Variants in WWOX observed in about 807,000 individuals in gnomAD.
WWOX encodes the protein WW domain-containing oxidoreductase.
A neutral mutation model predicts 46.2 loss-of-function variants in WWOX; 69 were observed. That is an observed-to-expected ratio of 1.49 (90% confidence interval 1.23 to 1.82). The LOEUF is 1.82. WWOX is among the 40% of genes most tolerant of loss of function. The pLI is 0.00. For missense variants in WWOX, 919 were observed against 542.6 expected, an observed-to-expected ratio of 1.69 and a Z score of -6.89; for synonymous variants, 359 against 202.6, an observed-to-expected ratio of 1.77 and a Z score of -6.56.
At position 78,726,652 on chromosome 16, in the gene WWOX, A is replaced by G. The variant is rs370440489; in HGVS notation, c.1056+293900A>G. Among the ~76,000 whole-genome samples the G allele has an allele frequency of 1.2e-4, 18 of 152,280 alleles. No individual in the cohort carries two copies. In the East Asian group the frequency reaches 1.4e-3, roughly 11 times the overall value. On this transcript the variant is annotated intron_variant, in intron 8 of 8. Transcript: ENST00000566780. ...AGCAATTAATGGAGGAAGGGAGTCA[A>G]CTAAACAATTTATTAGGGCTTTATG...
rs578047755 is a variant in WWOX at position 78,116,867 on chromosome 16, G to A, written c.409+1713G>A. Among the ~76,000 whole-genome samples the A allele has an allele frequency of 1.6e-4, 25 of 152,314 alleles. 1 individual carries two copies. In the South Asian group the frequency reaches 5.0e-3, roughly 30 times the overall value. ...GTAATGAGTAAGATATGTGACTACT[G>A]ATTGTTTTTTGTGTTAAGTGTTCGA... On this transcript the variant is annotated intron_variant, in intron 4 of 8. Transcript: ENST00000566780.
chr16:78,128,413 A>G (rs775853607), intron 4 of WWOX, among the ~76,000 whole-genome samples: 1 of 152,210 alleles, frequency 6.6e-6, no homozygotes, highest in Non-Finnish European at 1.5e-5. Context: ...GGGAACCTGC[A>G]GAGGCAGAAA....
At chr16:78,244,370 C>G (rs931304941) in intron 5 of WWOX, among the ~76,000 whole-genome samples, 1 of 109,072 alleles carries the variant, frequency 9.2e-6, no homozygotes, top group Admixed American at 8.6e-5. Flanking sequence ...ATTTAAACCT[C>G]CTTGCAATCT....
intron 8 of WWOX, among the ~76,000 whole-genome samples, chr16:78,498,616 A>G (rs578215682): frequency 2.0e-5 from 3 of 152,320 alleles, no homozygotes; most frequent in South Asian, 4.1e-4. Context: ...GGCAAGAAAA[A>G]TTCAGAAGGG....
chr16:78,708,817 A>G (rs2048378358), intron 8 of WWOX, among the ~76,000 whole-genome samples: 1 of 152,250 alleles, frequency 6.6e-6, no homozygotes, highest in South Asian at 2.1e-4. Flanking sequence ...GGTGTTGGCC[A>G]TAAAAAAATT....
chr16:78,595,768 T>A (rs1052293313), intron 8 of WWOX, among the ~76,000 whole-genome samples: 3 of 152,240 alleles, frequency 2.0e-5, no homozygotes, highest in Non-Finnish European at 4.4e-5. Context: ...ATAGCCATCA[T>A]CTCAAACCTT....
intron 6 of WWOX, among the ~76,000 whole-genome samples, chr16:78,421,712 A>G (rs918513605): frequency 2.0e-5 from 3 of 152,178 alleles, no homozygotes; most frequent in Non-Finnish European, 2.9e-5. Context: ...AGCATTTTAT[A>G]TAGAATGGAA....
chr16:78,541,282 G>T (rs1033330497), intron 8 of WWOX, among the ~76,000 whole-genome samples: 1 of 150,998 alleles, frequency 6.6e-6, no homozygotes, highest in African/African-American at 2.4e-5. Context: ...AGACCATCCC[G>T]GCTAAAACGG....
intron 8 of WWOX, among the ~76,000 whole-genome samples, chr16:79,174,164 G>A (rs1027869459): frequency 4.6e-5 from 7 of 152,312 alleles, no homozygotes; most frequent in South Asian, 4.2e-4. Context: ...ACCGGGACAC[G>A]TATTGTAGAC....
chr16:78,422,053 T>C (rs781662546), intron 6 of WWOX, among the ~76,000 whole-genome samples: 5 of 152,240 alleles, frequency 3.3e-5, no homozygotes, highest in Non-Finnish European at 5.9e-5. Flanking sequence ...ACTACTAGTG[T>C]AGTTGGACGT....
At chr16:78,353,302 A>C (rs1222516517) in intron 5 of WWOX, among the ~76,000 whole-genome samples, 1 of 152,224 alleles carries the variant, frequency 6.6e-6, no homozygotes, top group African/African-American at 2.4e-5. Flanking sequence ...GGGAAAATCA[A>C]GTAAATCGAG....
intron 8 of WWOX, among the ~76,000 whole-genome samples, chr16:79,125,394 A>G (rs1197858806): frequency 6.6e-6 from 1 of 152,210 alleles, no homozygotes; most frequent in East Asian, 1.9e-4. Context: ...AGAATTTGGG[A>G]TGTGCAAAAT....
chr16:79,156,310 A>G (rs1419708627), intron 8 of WWOX, among the ~76,000 whole-genome samples: 1 of 152,154 alleles, frequency 6.6e-6, no homozygotes, highest in Non-Finnish European at 1.5e-5. Context: ...CCAGGTGCGC[A>G]CCAACACACT....
chr16:78,765,900 G>A lies in WWOX; in HGVS notation c.1056+333148G>A, dbSNP rs537102901. The stretch of plus-strand genomic sequence containing the variant: ...AGGCATTGCGGAGGCAGAAATTTAC[G>A]TGGCTTCCATGCCCATTGGTGTGAG... On this transcript the variant is annotated intron_variant, in intron 8 of 8. Coordinates refer to ENST00000566780, the MANE Select transcript of WWOX (RefSeq NM_016373.4). Among the ~76,000 whole-genome samples, 11 of 152,298 alleles carry A rather than the reference G, an allele frequency of 7.2e-5. No homozygotes were observed. In the South Asian group the frequency reaches 1.2e-3, roughly 17 times the overall value.
chr16:79,021,411 G>T (rs906198429), intron 8 of WWOX, among the ~76,000 whole-genome samples: 3 of 151,994 alleles, frequency 2.0e-5, no homozygotes, highest in Admixed American at 1.3e-4. Context: ...GCAGAATAAT[G>T]GTTTTGAATA....
chr16:79,047,852 G>C (rs1271306149), intron 8 of WWOX, among the ~76,000 whole-genome samples: 1 of 151,762 alleles, frequency 6.6e-6, no homozygotes, highest in Non-Finnish European at 1.5e-5. Flanking sequence ...ATGAATGAAG[G>C]AAAGAAAGAA....
In WWOX at chr16:78,901,635, G is replaced by A. The variant is rs565922295; in HGVS notation, c.1057-309973G>A. 3.9e-5 allele frequency among the ~76,000 whole-genome samples: 6 copies of A among 152,306 alleles called. No individual in the cohort carries two copies. In the East Asian group the frequency reaches 1.2e-3, roughly 29 times the overall value. ...CCTGAGTAACTAGGACCACAGGCAT[G>A]GGCCACCACGCTGGGTTAGTTTTTG... On this transcript the variant is annotated intron_variant, in intron 8 of 8. Coordinates refer to ENST00000566780, the MANE Select transcript of WWOX (RefSeq NM_016373.4).
intron 4 of WWOX, among the ~76,000 whole-genome samples, chr16:78,121,738 T>A (rs1237794469): frequency 6.6e-6 from 1 of 152,040 alleles, no homozygotes; most frequent in African/African-American, 2.4e-5. Context: ...CTCAGCTCAC[T>A]GCAACCTTTG....
intron 8 of WWOX, chr16:79,017,076 T>C (rs1309756128): frequency 6.6e-6 from 1 of 152,112 alleles, no homozygotes; most frequent in African/African-American, 2.4e-5. Context: ...GGGTATATTA[T>C]GTCCCTCTGT....
Sources: gnomAD v4.1 joint callset for allele counts (sites outside exome capture counted in the v4.1 genomes callset) on GRCh38, gnomAD v4.1.1 for gene constraint, MANE v1.5 for transcripts, NCBI Gene and HGNC (gene_info 2026-07-23, HGNC 2026-07-21) for gene names.